Variants in CSGALNACT1 observed in about 807,000 individuals in gnomAD.
The protein encoded by CSGALNACT1 is chondroitin sulfate N-acetylgalactosaminyltransferase 1, also known as beta4GalNAcT-1.
In CSGALNACT1, 52 loss-of-function variants were observed where a neutral mutation model predicts 51.0. That is an observed-to-expected ratio of 1.02 (90% CI 0.82 to 1.29). The LOEUF (loss-of-function observed/expected upper bound fraction) is 1.29. CSGALNACT1 is among the 50% of genes most tolerant of loss of function. The probability of loss-of-function intolerance (pLI) is 0.00; values close to 1 mark genes in which losing one functional copy is unlikely to be tolerated. For synonymous variants in CSGALNACT1, 341 were observed against 254.4 expected (o/e 1.34, Z -3.24); for missense variants, 935 against 679.2 (o/e 1.38, Z -4.19).
chr8:19,718,619 C>T (rs918626560), intron 1 of CSGALNACT1, among the ~76,000 whole-genome samples: 1 of 152,120 alleles, frequency 6.6e-6, no homozygotes, highest in Non-Finnish European at 1.5e-5. Flanking sequence ...CCATCATGAA[C>T]ACTTAGTCAT....
At chr8:19,683,068 G>A (rs1392957349), upstream of CSGALNACT1, 1 of 239,228 alleles carries the variant, frequency 4.2e-6, no homozygotes, top group African/African-American at 2.2e-5. Flanking sequence ...GGATGGACGG[G>A]AACAGATAGG....
intron 9 of CSGALNACT1, 121 bp from the exon 9 acceptor site, chr8:19,406,190 C>G: frequency 8.7e-7 from 1 of 1,150,598 alleles, no homozygotes; most frequent in Non-Finnish European, 1.3e-6. Flanking sequence ...TTCACCACCA[C>G]CCCTCCAAGG....
At chr8:19,693,439 C>T (rs1265972419) in intron 1 of CSGALNACT1, among the ~76,000 whole-genome samples, 1 of 152,044 alleles carries the variant, frequency 6.6e-6, no homozygotes. Flanking sequence ...GTTTATCACC[C>T]CTATTTGGCT....
At chr8:19,553,155 AAAC>A (rs2088643072) in intron 3 of CSGALNACT1, among the ~76,000 whole-genome samples, 1 of 152,208 alleles carries the variant, frequency 6.6e-6, no homozygotes, top group East Asian at 1.9e-4. Flanking sequence ...GTGAGAAACA[AAAC>A]AACATTTCTA....
chr8:19,678,732 A>G, intron 1 of CSGALNACT1: 1 of 152,190 alleles, frequency 6.6e-6, no homozygotes, highest in Non-Finnish European at 1.5e-5. Context: ...GTTTTGACCC[A>G]CGAAGGGGAG....
chr8:19,634,185 C>T (rs2055695828), intron 1 of CSGALNACT1, among the ~76,000 whole-genome samples: 1 of 152,182 alleles, frequency 6.6e-6, no homozygotes, highest in South Asian at 2.1e-4. Context: ...TACTTTCATA[C>T]ACATAAAACG....
intron 1 of CSGALNACT1, among the ~76,000 whole-genome samples, chr8:19,713,150 AGGAAGT>A (rs1198275313): frequency 1.3e-5 from 2 of 152,128 alleles, no homozygotes; most frequent in Non-Finnish European, 2.9e-5. Flanking sequence ...TCATCTCACT[AGGAAGT>A]GCCTCTGGAC....
chr8:19,680,098 T>C (rs760006951), intron 1 of CSGALNACT1, among the ~76,000 whole-genome samples: 19 of 152,210 alleles, frequency 1.2e-4, no homozygotes, highest in Non-Finnish European at 2.4e-4. Flanking sequence ...AATAATGTTA[T>C]AGATTTCTAT....
chr8:19,667,338 G>A (rs886397504), intron 1 of CSGALNACT1, among the ~76,000 whole-genome samples: 11 of 151,924 alleles, frequency 7.2e-5, no homozygotes, highest in African/African-American at 2.7e-4. Context: ...AGGAGGCTGA[G>A]GTTAGGGGGA....
At chr8:19,545,642 AAAG>A (rs1469921225) in intron 3 of CSGALNACT1, among the ~76,000 whole-genome samples, 35 of 152,162 alleles carry the variant, frequency 2.3e-4, no homozygotes, top group Non-Finnish European at 4.4e-4. Context: ...CTAAAAAGAT[AAAG>A]TAGTAAAACA....
intron 8 of CSGALNACT1, among the ~76,000 whole-genome samples, chr8:19,411,045 C>T (rs2055595743): frequency 6.6e-6 from 1 of 152,290 alleles, no homozygotes. Flanking sequence ...TATCCTTCTG[C>T]CCTATATAAG....
chr8:19,462,098 G>A (rs1299436343), intron 4 of CSGALNACT1, among the ~76,000 whole-genome samples: 12 of 152,096 alleles, frequency 7.9e-5, no homozygotes, highest in Non-Finnish European at 1.0e-4. Context: ...CAGCAGCCAC[G>A]TTTGTCACAG....
chr8:19,728,069 A>G (rs2063498341), intron 1 of CSGALNACT1, among the ~76,000 whole-genome samples: 1 of 152,134 alleles, frequency 6.6e-6, no homozygotes, highest in Non-Finnish European at 1.5e-5. Flanking sequence ...ACACTCAGGG[A>G]CCAGGCTGCC....
chr8:19,488,221 G>A (rs1025743933), intron 4 of CSGALNACT1, among the ~76,000 whole-genome samples: 5 of 151,724 alleles, frequency 3.3e-5, no homozygotes, highest in Non-Finnish European at 7.4e-5. Context: ...GTGGTGGTGT[G>A]CACCTATAAT....
intron 1 of CSGALNACT1, among the ~76,000 whole-genome samples, chr8:19,630,194 C>CTCTGTGTG (rs1431879737): frequency 5.8e-5 from 8 of 137,784 alleles, no homozygotes; most frequent in African/African-American, 1.9e-4. Context: ...TCCCACGTCT[C>CTCTGTGTG]TGTGTGTGTG....
chr8:19,609,505 C>T (rs1030828943), intron 1 of CSGALNACT1, among the ~76,000 whole-genome samples: 5 of 151,728 alleles, frequency 3.3e-5, no homozygotes, highest in Non-Finnish European at 7.4e-5. Flanking sequence ...CATTGGAATA[C>T]TCAGCAATAA....
At chr8:19,633,066 C>T (rs1262015461) in intron 1 of CSGALNACT1, among the ~76,000 whole-genome samples, 9 of 151,930 alleles carry the variant, frequency 5.9e-5, no homozygotes, top group Admixed American at 3.3e-4. Context: ...GCTGAGCCAC[C>T]GTGCCCAGCT....
intron 1 of CSGALNACT1, among the ~76,000 whole-genome samples, chr8:19,708,004 T>A (rs1279475017): frequency 6.6e-6 from 1 of 152,048 alleles, no homozygotes; most frequent in Admixed American, 6.6e-5. Context: ...CGAGACTCCA[T>A]CTCAAAAAAG....
intron 3 of CSGALNACT1, among the ~76,000 whole-genome samples, chr8:19,558,851 G>C (rs1375000362): frequency 1.3e-5 from 2 of 152,030 alleles, no homozygotes; most frequent in East Asian, 1.9e-4. Flanking sequence ...AACATTCTTG[G>C]GAAGATATTT....
Sources: allele counts gnomAD v4.1 joint callset (sites outside exome capture counted in the v4.1 genomes callset), GRCh38; gene constraint gnomAD v4.1.1; transcripts MANE v1.5; gene names NCBI Gene and HGNC (gene_info 2026-07-23, HGNC 2026-07-21).